The following GLIPR2 variants were observed in gnomAD, a reference collection of about 807,000 sequenced individuals.
GLIPR2 encodes the protein GLI pathogenesis related 2.
GLIPR2 carries 21 observed loss-of-function variants against 20.4 expected under a neutral mutation model. That is an observed-to-expected ratio of 1.03 (90% CI 0.73 to 1.48). The LOEUF (loss-of-function observed/expected upper bound fraction) is 1.48, where lower values mean the gene tolerates loss of function less well. Ranked by LOEUF, GLIPR2 falls within the 40% of genes most tolerant of loss-of-function variation. The pLI, the probability that GLIPR2 is intolerant of heterozygous loss-of-function variation, is 0.00. For synonymous variants in GLIPR2, 91 were observed against 80.5 expected (o/e 1.13, Z -0.70); for missense variants, 205 against 200.1 (o/e 1.02, Z -0.15).
chr9:36,152,574 A>G (rs1825633327), intron 4 of GLIPR2, among the ~76,000 whole-genome samples: 1 of 151,534 alleles, frequency 6.6e-6, no homozygotes. Flanking sequence ...ACATGGTGAA[A>G]CCCCGTCTCT....
Position 36,147,398 on chromosome 9 carries a change from G to T in GLIPR2, c.14-388G>T, listed in dbSNP as rs7023297. Among the ~76,000 whole-genome samples, 1,017 of 152,310 alleles carry T rather than the reference G, an allele frequency of 6.7e-3. 10 individuals are homozygous for T. The highest frequency in any genetic ancestry group is 0.023 in the African/African-American group (954 of 41,566). ...TACTTCCAAAGTCCTATTGCTGACT[G>T]TCCAGGTCCCCAAATCTGCTCTGTG... On this transcript the variant is annotated intron_variant, in intron 1 of 4. Coordinates refer to ENST00000377960, the MANE Select transcript of GLIPR2 (RefSeq NM_022343.4).
intron 1 of GLIPR2, among the ~76,000 whole-genome samples, chr9:36,137,560 G>T (rs1322702646): frequency 6.6e-6 from 1 of 152,190 alleles, no homozygotes; most frequent in African/African-American, 2.4e-5. Context: ...CAGCTCCTGG[G>T]CTGGAGCCCA....
intron 4 of GLIPR2, among the ~76,000 whole-genome samples, chr9:36,157,914 G>A (rs1825908611): frequency 6.6e-6 from 1 of 151,968 alleles, no homozygotes; most frequent in African/African-American, 2.4e-5. Flanking sequence ...CCAGGTTCAA[G>A]CAATTCTCTT....
chr9:36,158,490 C>T (rs1165128396), intron 4 of GLIPR2, among the ~76,000 whole-genome samples: 1 of 152,232 alleles, frequency 6.6e-6, no homozygotes, highest in African/African-American at 2.4e-5. Flanking sequence ...CTCCCTCCCT[C>T]CGTTTCTTCC....
intron 4 of GLIPR2, among the ~76,000 whole-genome samples, chr9:36,160,335 T>C (rs1407107434): frequency 6.6e-6 from 1 of 152,136 alleles, no homozygotes; most frequent in African/African-American, 2.4e-5. Context: ...ACAAATACTT[T>C]TTGAAAAATG....
intron 4 of GLIPR2, among the ~76,000 whole-genome samples, chr9:36,158,592 C>T (rs549865817): frequency 1.9e-4 from 29 of 152,332 alleles, no homozygotes; most frequent in East Asian, 9.7e-4. Flanking sequence ...AGATGTGGCA[C>T]GTGCCCTCAC....
At chr9:36,139,443 G>T (rs1386314189) in intron 1 of GLIPR2, among the ~76,000 whole-genome samples, 1 of 152,038 alleles carries the variant, frequency 6.6e-6, no homozygotes, top group Non-Finnish European at 1.5e-5. Flanking sequence ...ATTAATATCT[G>T]GCTCTCCTAG....
intron 1 of GLIPR2, among the ~76,000 whole-genome samples, chr9:36,137,219 C>T (rs182785456): frequency 2.9e-4 from 44 of 152,248 alleles, no homozygotes; most frequent in African/African-American, 1.0e-3. Flanking sequence ...CTCCTGAGCG[C>T]CCGCGCCGTG....
At chr9:36,142,059 G>C (rs1006528112) in intron 1 of GLIPR2, among the ~76,000 whole-genome samples, 3 of 152,132 alleles carry the variant, frequency 2.0e-5, no homozygotes, top group Non-Finnish European at 4.4e-5. Flanking sequence ...GCACTCTGCA[G>C]TCCCTGATAT....
chr9:36,163,282 G>A lies in GLIPR2; in HGVS notation c.*760G>A, dbSNP rs1454624207. ...CAGCAGGCTACCCCTGGTTTCTGGA[G>A]AGTTGGGCTAGGCCTGAAGCTCCCC... On this transcript the variant is annotated 3_prime_UTR_variant, in exon 5 of 5. Coordinates refer to ENST00000377960, the MANE Select transcript of GLIPR2 (RefSeq NM_022343.4). 4.7e-6 allele frequency: 1 copy of A among 212,130 alleles called. No individual in the cohort carries two copies. The highest frequency in any genetic ancestry group is 2.4e-5 in the African/African-American group (1 of 41,916). 13.1% of individuals were successfully genotyped at this position (212,130 alleles called of 1,614,324 possible).
At position 36,155,899 on chromosome 9, in the gene GLIPR2, C is replaced by G. The variant is rs554214579; in HGVS notation, c.304+4950C>G. Among the ~76,000 whole-genome samples the G allele has an allele frequency of 2.6e-5, 4 of 152,080 alleles. No individual in the cohort carries two copies. In the East Asian group the frequency reaches 7.8e-4, roughly 29 times the overall value. On this transcript the variant is annotated intron_variant, in intron 4 of 4. Coordinates refer to ENST00000377960, the MANE Select transcript of GLIPR2 (RefSeq NM_022343.4). ...ACCAGCCTGGACAACATGGCAAGAC[C>G]CCATCTCTACAAAAACAATTAAAAA... is the stretch of plus-strand genomic sequence containing the variant.
chr9:36,148,443 G>A, intron 2 of GLIPR2, 104 bp from the exon 3 acceptor site: 1 of 745,764 alleles, frequency 1.3e-6, no homozygotes, highest in Non-Finnish European at 2.3e-6. Flanking sequence ...GCTCCTCTGT[G>A]AGCCCGGGGC....
intron 4 of GLIPR2, among the ~76,000 whole-genome samples, chr9:36,158,109 G>A (rs1027146807): frequency 7.9e-5 from 12 of 152,146 alleles, no homozygotes; most frequent in African/African-American, 1.2e-4. Context: ...CACTGCGCCC[G>A]ACCGGGCTAT....
intron 4 of GLIPR2, among the ~76,000 whole-genome samples, chr9:36,157,683 AACACACAC>A (rs567476723): frequency 7.5e-5 from 11 of 146,238 alleles, no homozygotes; most frequent in Admixed American, 1.4e-4. Context: ...ATATCTGTTA[AACACACAC>A]ACACACACAC....
At chr9:36,150,455 CT>C (rs1163948885) in intron 3 of GLIPR2, among the ~76,000 whole-genome samples, 1 of 152,222 alleles carries the variant, frequency 6.6e-6, no homozygotes, top group Non-Finnish European at 1.5e-5. Context: ...GTTTCAAGAG[CT>C]GCAAATGGGG....
intron 4 of GLIPR2, among the ~76,000 whole-genome samples, chr9:36,160,780 G>A (rs1278802688): frequency 2.0e-5 from 3 of 152,164 alleles, no homozygotes; most frequent in Admixed American, 6.5e-5. Context: ...TGAGGCTCAC[G>A]CCTGTAATCT....
chr9:36,157,242 C>A (rs7870486), intron 4 of GLIPR2, among the ~76,000 whole-genome samples: 34,033 of 149,410 alleles, frequency 0.23, 3,910 homozygotes, highest in Non-Finnish European at 0.27. Context: ...GTTGGCCAGG[C>A]TGGTCTCGAA....
Position 36,163,229 on chromosome 9 carries a change from T to C in GLIPR2, c.*707T>C, listed in dbSNP as rs1004060497. On this transcript the variant is annotated 3_prime_UTR_variant, in exon 5 of 5. Coordinates refer to ENST00000377960, the MANE Select transcript of GLIPR2 (RefSeq NM_022343.4). ...CACCACCTCTTGCCCCCTTCCCTCT[T>C]TTCTTAAACTTCTGGCATTTCAGAG... The C allele has an allele frequency of 2.2e-5, 5 of 225,554 alleles. No individual in the cohort carries two copies. The highest frequency in any genetic ancestry group is 3.6e-5 in the Non-Finnish European group (4 of 112,126). 14.0% of individuals were successfully genotyped at this position (225,554 alleles called of 1,614,324 possible).
chr9:36,150,905 T>A lies in GLIPR2; in HGVS notation c.260T>A (p.Ile87Asn). The change falls in exon 4 of 5, where the codon ATC (isoleucine) becomes AAC (asparagine). Residue 87 changes from isoleucine (I) to asparagine (N), a missense_variant. Physicochemically the swap from Ile to Asn is moderately radical, Grantham distance 149 (BLOSUM62 -3). Transcript: ENST00000377960. ...KEVADRWYSE[I>N]KNYNFQQPGF... ...GTGGCTGATAGATGGTACAGTGAAA[T>A]CAAGAACTATAACTTCCAGCAGCCT... 2 of 1,613,860 alleles carry A rather than the reference T, an allele frequency of 1.2e-6. No homozygotes were observed. Among genetic ancestry groups the A allele is most frequent in the Non-Finnish European group, 1.7e-6 (2 of 1,179,848 alleles).
Sources: gnomAD v4.1 joint callset for allele counts (sites outside exome capture counted in the v4.1 genomes callset) on GRCh38, gnomAD v4.1.1 for gene constraint, MANE v1.5 for transcripts, NCBI Gene and HGNC (gene_info 2026-07-23, HGNC 2026-07-21) for gene names.